The following BTBD7 variants were observed in gnomAD, a reference collection of about 807,000 sequenced individuals.
The protein encoded by BTBD7 is BTB/POZ domain-containing protein 7.
Under a neutral mutation model 99.9 loss-of-function variants are expected in BTBD7, and 38 were observed. The observed-to-expected ratio is 0.38, with a 90% CI of 0.29 to 0.50. BTBD7 has a LOEUF of 0.50. Ranked by LOEUF, BTBD7 falls within the 20% of genes least tolerant of loss-of-function variation. The pLI, the probability that BTBD7 is intolerant of heterozygous loss-of-function variation, is 0.93. For synonymous variants in BTBD7, 520 were observed against 511.4 expected, an observed-to-expected ratio of 1.02 and a Z score of -0.23; for missense variants, 1,170 against 1,394.6, an observed-to-expected ratio of 0.84 and a Z score of 2.57.
At chr14:93,305,217 A>T (rs2053056158) in intron 1 of BTBD7, among the ~76,000 whole-genome samples, 1 of 152,268 alleles carries the variant, frequency 6.6e-6, no homozygotes, top group Admixed American at 6.5e-5. Context: ...TACAAGTCAT[A>T]TATAATGGCT....
chr14:93,291,221 T>C (rs891472667), intron 3 of BTBD7, among the ~76,000 whole-genome samples: 3 of 152,258 alleles, frequency 2.0e-5, no homozygotes, highest in African/African-American at 4.8e-5. Flanking sequence ...TATTATAGTT[T>C]AGCAGCTAAC....
At chr14:93,330,778 T>C (rs777223085) in intron 1 of BTBD7, among the ~76,000 whole-genome samples, 6 of 152,236 alleles carry the variant, frequency 3.9e-5, no homozygotes, top group East Asian at 1.9e-4. Flanking sequence ...ACTTTGGCAT[T>C]ACTGCACTTC....
intron 9 of BTBD7, 107 bp from the exon 10 acceptor site, chr14:93,246,393 A>G (rs2052311828): frequency 4.1e-6 from 5 of 1,205,268 alleles, no homozygotes; most frequent in Non-Finnish European, 4.4e-6. Context: ...AACCACAGTC[A>G]GCAAGAATAA....
chr14:93,329,844 C>T (rs556361702), intron 1 of BTBD7, among the ~76,000 whole-genome samples: 3 of 152,288 alleles, frequency 2.0e-5, no homozygotes, highest in East Asian at 3.9e-4. Flanking sequence ...CCTAAGAAAA[C>T]TCCAAATGAA....
At chr14:93,331,880 C>CCCCA (rs1555394539) in intron 1 of BTBD7, among the ~76,000 whole-genome samples, 2 of 75,058 alleles carry the variant, frequency 2.7e-5, no homozygotes, top group Middle Eastern at 6.3e-3. Flanking sequence ...GACTCCGTCT[C>CCCCA]CCCCCCCCCA....
At chr14:93,268,010 C>A (rs952286520) in intron 3 of BTBD7, among the ~76,000 whole-genome samples, 2 of 152,098 alleles carry the variant, frequency 1.3e-5, no homozygotes, top group Non-Finnish European at 2.9e-5. Flanking sequence ...AGAAAAAGTC[C>A]AAGCTACATC....
chr14:93,285,634 C>A (rs536425882), intron 3 of BTBD7, among the ~76,000 whole-genome samples: 88 of 152,206 alleles, frequency 5.8e-4, no homozygotes, highest in Middle Eastern at 3.4e-3. Flanking sequence ...AACTTTTCCT[C>A]AAAAAATTAC....
Position 93,296,084 on chromosome 14 carries a change from G to A in BTBD7, c.-33C>T. The A allele has an allele frequency of 6.2e-7, 1 of 1,609,112 alleles. No homozygotes were observed. Among genetic ancestry groups the A allele is most frequent in the Non-Finnish European group, 8.5e-7 (1 of 1,177,762 alleles). On this transcript the variant is annotated 5_prime_UTR_variant, in exon 2 of 11. Coordinates refer to ENST00000334746, the MANE Select transcript of BTBD7 (RefSeq NM_001002860.4). ...AGTCACTCAGGCATTCCGTCTGCGG[G>A]TTCTTCAGAGTATAATCCCAGAGGC...
In BTBD7 at chr14:93,251,541, A is replaced by G; in HGVS notation, c.1864T>C (p.Cys622Arg). The G allele has an allele frequency of 6.2e-7, 1 of 1,614,034 alleles. No homozygotes were observed. Among genetic ancestry groups the G allele is most frequent in the Non-Finnish European group, 8.5e-7 (1 of 1,179,904 alleles). The part of the protein sequence containing the change: ...LYMVNNAVPQ[C>R]CHMISHQQIS... ...TGCTGGTGGCTGATCATGTGACAAC[A>G]CTGTGGCACGGCATTATTGACCATG... Residue 622 changes from cysteine to arginine, a missense_variant, in exon 8 of 11, where the codon TGT becomes CGT. Physicochemically the swap from Cys to Arg is radical, Grantham distance 180. Transcript: ENST00000334746.
At chr14:93,276,368 G>T (rs1178085784) in intron 3 of BTBD7, among the ~76,000 whole-genome samples, 1 of 152,160 alleles carries the variant, frequency 6.6e-6, no homozygotes, top group East Asian at 1.9e-4. Flanking sequence ...ATCTGGAAGG[G>T]TACACAGGAA....
In BTBD7 at chr14:93,296,134, CCAG is replaced by C. The variant is rs2139772627; in HGVS notation, c.-86_-84del. On this transcript the variant is annotated 5_prime_UTR_variant, in exon 2 of 11. Coordinates refer to ENST00000334746, the MANE Select transcript of BTBD7 (RefSeq NM_001002860.4). The stretch of plus-strand genomic sequence containing the variant: ...CCTTTATGAACCTTCAACCCTGGAT[CCAG>C]CAGCCTCTTTTCATCCATTTCTTGA... 1 of 1,409,622 alleles carries C rather than the reference CCAG, an allele frequency of 7.1e-7. No individual in the cohort carries two copies. Among genetic ancestry groups the C allele is most frequent in the Non-Finnish European group, 9.3e-7 (1 of 1,073,600 alleles). 87.3% of individuals were successfully genotyped at this position (1,409,622 alleles called of 1,614,324 possible).
In BTBD7 at chr14:93,264,009, A is replaced by C; in HGVS notation, c.1163-16T>G. On this transcript the variant is annotated splice_polypyrimidine_tract_variant and intron_variant, in intron 3 of 10. Transcript: ENST00000334746. ...TCCTCACAGCCTAAAAGAGAAGGCA[A>C]ATACTTCTTGAGATTAATCATAAAT... 6.3e-7 allele frequency: 1 copy of C among 1,599,456 alleles called. No homozygotes were observed. Among genetic ancestry groups the C allele is most frequent in the Non-Finnish European group, 8.6e-7 (1 of 1,166,880 alleles).
At chr14:93,288,562 C>A in intron 3 of BTBD7, 1 of 821,294 alleles carries the variant, frequency 1.2e-6, no homozygotes, top group Non-Finnish European at 2.2e-6. Context: ...GGACTTTGTT[C>A]TTTTTGCTCT....
At chr14:93,244,613 C>T (rs971500560) in intron 10 of BTBD7, among the ~76,000 whole-genome samples, 8 of 152,126 alleles carry the variant, frequency 5.3e-5, no homozygotes, top group Non-Finnish European at 1.2e-4. Flanking sequence ...TGCACCACTG[C>T]ACTCCAGCCT....
chr14:93,322,714 A>T (rs757356632), intron 1 of BTBD7, among the ~76,000 whole-genome samples: 2 of 152,354 alleles, frequency 1.3e-5, no homozygotes, highest in East Asian at 1.9e-4. Flanking sequence ...AGACATCAAA[A>T]CAAGAAGGTT....
intron 1 of BTBD7, among the ~76,000 whole-genome samples, chr14:93,326,420 T>C (rs1202574400): frequency 6.6e-6 from 1 of 152,186 alleles, no homozygotes; most frequent in East Asian, 1.9e-4. Flanking sequence ...TGAGTCGTGA[T>C]TGCACCACTG....
At chr14:93,324,573 A>G (rs1204284870) in intron 1 of BTBD7, among the ~76,000 whole-genome samples, 1 of 152,104 alleles carries the variant, frequency 6.6e-6, no homozygotes, top group Non-Finnish European at 1.5e-5. Context: ...GGATCCAGAT[A>G]CCCTCTACCT....
At chr14:93,298,643 C>A (rs11621084) in intron 1 of BTBD7, among the ~76,000 whole-genome samples, 1 of 151,778 alleles carries the variant, frequency 6.6e-6, no homozygotes, top group African/African-American at 2.4e-5. Flanking sequence ...GAATACTCAA[C>A]GTGTATTACA....
chr14:93,244,855 CTTTTTTTTT>C (rs58775665), intron 10 of BTBD7, among the ~76,000 whole-genome samples: 7 of 107,424 alleles, frequency 6.5e-5, no homozygotes, highest in Middle Eastern at 5.4e-3. Context: ...TCTTACAAAT[CTTTTTTTTT>C]TTTTTTTTTT....
Sources: gnomAD v4.1 joint callset for allele counts (sites outside exome capture counted in the v4.1 genomes callset) on GRCh38, gnomAD v4.1.1 for gene constraint, MANE v1.5 for transcripts, NCBI Gene and HGNC (gene_info 2026-07-23, HGNC 2026-07-21) for gene names.